Variants in GPC3 observed in about 807,000 individuals in gnomAD.
GPC3 encodes the protein glypican-3.
In GPC3, 3 loss-of-function variants were observed where a neutral mutation model predicts 34.4. That is an observed-to-expected ratio of 0.09 (90% CI 0.04 to 0.23). GPC3 has a LOEUF of 0.23. Among genes scored for constraint, GPC3 ranks in the 10% least tolerant of loss-of-function variants. GPC3 has a pLI of 1.00. For missense variants in GPC3, 351 were observed against 445.6 expected (o/e 0.79, Z 1.91); for synonymous variants, 177 against 174.0 (o/e 1.02, Z -0.13).
chrX:133,556,828 G>A (rs1327402076), intron 7 of GPC3, among the ~76,000 whole-genome samples: 1 of 103,694 alleles, frequency 9.6e-6, no homozygotes, highest in Non-Finnish European at 2.0e-5. Flanking sequence ...TGTAAATGAC[G>A]AGTTAATGGG....
At chrX:133,644,317 C>A (rs1203746317) in intron 6 of GPC3, among the ~76,000 whole-genome samples, 5 of 111,152 alleles carry the variant, frequency 4.5e-5, no homozygotes, top group Non-Finnish European at 7.5e-5. Context: ...AAAAAGAAAT[C>A]ATAAATTTTA....
At chrX:133,873,633 C>T (rs746643128) in intron 2 of GPC3, among the ~76,000 whole-genome samples, 17 of 111,054 alleles carry the variant, frequency 1.5e-4, no homozygotes, top group African/African-American at 5.2e-4. Context: ...TCAGACACTC[C>T]AGGTTAAACA....
At chrX:133,559,071 A>ATTTC (rs748520515) in intron 7 of GPC3, among the ~76,000 whole-genome samples, 11 of 110,493 alleles carry the variant, frequency 1.0e-4, no homozygotes, top group Middle Eastern at 4.8e-3. Flanking sequence ...TTTATGTAAC[A>ATTTC]TTTCTTTCTT....
chrX:133,591,617 T>C (rs1411897110), intron 7 of GPC3, among the ~76,000 whole-genome samples: 1 of 112,142 alleles, frequency 8.9e-6, no homozygotes, highest in Non-Finnish European at 1.9e-5. Context: ...GTGTTAATCA[T>C]GCCTAACAAA....
At position 133,774,219 on chromosome X, in the gene GPC3, C is replaced by A. The variant is rs1295986125; in HGVS notation, c.338-20043G>T. 5.4e-5 allele frequency among the ~76,000 whole-genome samples: 6 copies of A among 111,906 alleles called. No individual in the cohort carries two copies. The East Asian group carries it at 1.4e-3, about 26-fold the overall frequency. On this transcript the variant is annotated intron_variant, in intron 2 of 7. Coordinates refer to ENST00000370818, the MANE Select transcript of GPC3 (RefSeq NM_004484.4). ...GCCCTCAGAGGTGGATTCACTTCAA[C>A]CAAGCTCACAGAGGGCCATGTTTAA...
intron 2 of GPC3, among the ~76,000 whole-genome samples, chrX:133,913,534 G>T (rs1384290804): frequency 8.9e-6 from 1 of 112,077 alleles, no homozygotes; most frequent in Non-Finnish European, 1.9e-5. Flanking sequence ...TCTGACAGCT[G>T]GACCTGGTCC....
At position 133,985,566 on chromosome X, in the gene GPC3, C is replaced by A; in HGVS notation, c.-117G>T. On this transcript the variant is annotated 5_prime_UTR_variant, in exon 1 of 8. Transcript: ENST00000370818. ...GAGCAAGAGACGTGCTGCTACCCAG[C>A]CGCTGCAAAAGTTTCCTCGCAGCTA... 1.3e-6 allele frequency: 1 copy of A among 756,982 alleles called. No homozygotes were observed. The highest frequency in any genetic ancestry group is 1.9e-6 in the Non-Finnish European group (1 of 521,536). 62.4% of individuals were successfully genotyped at this position (756,982 alleles called of 1,213,427 possible). A position where few individuals can be genotyped will look rare whatever the true frequency, so the allele number is the denominator to read the frequency against.
intron 6 of GPC3, among the ~76,000 whole-genome samples, chrX:133,635,102 C>G (rs1182576356): frequency 2.7e-5 from 3 of 111,650 alleles, no homozygotes; most frequent in Non-Finnish European, 5.6e-5. Context: ...GAAATTCCTG[C>G]TCTTCTGAAA....
At chrX:133,687,761 T>C (rs137963413) in intron 5 of GPC3, among the ~76,000 whole-genome samples, 492 of 110,962 alleles carry the variant, frequency 4.4e-3, no homozygotes, top group African/African-American at 0.015. Context: ...AATACGTTTA[T>C]TTTTTTTCTC....
At chrX:133,954,396 C>T (rs192697605) in intron 1 of GPC3, among the ~76,000 whole-genome samples, 9 of 112,131 alleles carry the variant, frequency 8.0e-5, no homozygotes, top group Admixed American at 2.8e-4. Context: ...TTTCTTGAGA[C>T]GGAGTCTCAC....
At chrX:133,592,021 C>T (rs2069853819) in intron 7 of GPC3, among the ~76,000 whole-genome samples, 1 of 111,148 alleles carries the variant, frequency 9.0e-6, no homozygotes, top group Non-Finnish European at 1.9e-5. Flanking sequence ...TCAGAGTAGG[C>T]TTGTTCAAGG....
intron 2 of GPC3, among the ~76,000 whole-genome samples, chrX:133,831,848 C>T (rs2075776756): frequency 8.9e-6 from 1 of 112,975 alleles, no homozygotes; most frequent in Non-Finnish European, 1.9e-5. Flanking sequence ...AGATGTTCAA[C>T]ATCACTAGCC....
intron 2 of GPC3, among the ~76,000 whole-genome samples, chrX:133,913,842 C>A (rs1302795893): frequency 9.1e-6 from 1 of 109,934 alleles, no homozygotes; most frequent in Non-Finnish European, 1.9e-5. Flanking sequence ...GGCCTCCCTG[C>A]AGAGCTTTTG....
At chrX:133,826,500 G>A (rs1486010819) in intron 2 of GPC3, among the ~76,000 whole-genome samples, 1 of 110,932 alleles carries the variant, frequency 9.0e-6, no homozygotes, top group Non-Finnish European at 1.9e-5. Context: ...TTTGGTTGGG[G>A]AAAGGAAAGA....
chrX:133,696,303 A>C (rs2071117518), intron 4 of GPC3, among the ~76,000 whole-genome samples: 1 of 112,086 alleles, frequency 8.9e-6, no homozygotes, highest in Non-Finnish European at 1.9e-5. Flanking sequence ...GGACAGCAAC[A>C]ACAGGTGATA....
chrX:133,887,097 C>T (rs1349253461), intron 2 of GPC3, among the ~76,000 whole-genome samples: 2 of 112,122 alleles, frequency 1.8e-5, no homozygotes, highest in African/African-American at 6.5e-5. Context: ...GCCTCGACCT[C>T]CCAGGCTCAG....
chrX:133,609,799 T>A (rs1243260166), intron 6 of GPC3, among the ~76,000 whole-genome samples: 1 of 112,591 alleles, frequency 8.9e-6, no homozygotes, highest in Non-Finnish European at 1.9e-5. Context: ...CTTCACAGAA[T>A]AATTGCTACT....
intron 3 of GPC3, among the ~76,000 whole-genome samples, chrX:133,714,580 A>G (rs923826989): frequency 3.6e-5 from 4 of 110,991 alleles, no homozygotes; most frequent in African/African-American, 1.3e-4. Flanking sequence ...ATAATTTATA[A>G]GTACATTATA....
At chrX:133,679,238 G>A (rs947663072) in intron 5 of GPC3, among the ~76,000 whole-genome samples, 1 of 111,640 alleles carries the variant, frequency 9.0e-6, no homozygotes, top group African/African-American at 3.3e-5. Context: ...TGTAAAGAGA[G>A]CCCAGTAATG....
Sources: allele counts gnomAD v4.1 joint callset (sites outside exome capture counted in the v4.1 genomes callset), GRCh38; gene constraint gnomAD v4.1.1; transcripts MANE v1.5; gene names NCBI Gene and HGNC (gene_info 2026-07-23, HGNC 2026-07-21).